DMXL1: variants seen among roughly 807,000 people sequenced by gnomAD.
DMXL1 encodes dmX-like protein 1.
Under a neutral mutation model 319.2 loss-of-function variants are expected in DMXL1, and 99 were observed. The ratio of observed to expected loss-of-function variants is 0.31; its 90% CI spans 0.26 to 0.37. The LOEUF is 0.37. Ranked by LOEUF, DMXL1 falls within the 10% of genes least tolerant of loss-of-function variation. DMXL1 has a pLI of 1.00. For missense variants in DMXL1, 3,745 were observed against 3,595.6 expected, an observed-to-expected ratio of 1.04 and a Z score of -1.06; for synonymous variants, 1,385 against 1,235.2, an observed-to-expected ratio of 1.12 and a Z score of -2.54.
Position 119,177,620 on chromosome 5 carries a change from C to T in DMXL1, c.6886+136C>T, listed in dbSNP as rs1483454918. The T allele has an allele frequency of 4.5e-6, 3 of 661,902 alleles. No individual in the cohort carries two copies. In the Admixed American group the frequency reaches 1.1e-4, roughly 24 times the overall value. The allele number at this position is 661,902 out of a possible 1,614,324, so 41.0% of individuals were successfully genotyped here. ...ATTGATACCAGTTAAGTATTCACCA[C>T]TCATTCTGAATTACAGTTACTTAAC... On this transcript the variant is annotated intron_variant, in intron 27 of 43. Coordinates refer to ENST00000539542, the MANE Select transcript of DMXL1 (RefSeq NM_001290321.3).
chr5:119,089,628 T>C (rs1298270687), intron 1 of DMXL1, among the ~76,000 whole-genome samples: 1 of 31,508 alleles, frequency 3.2e-5, no homozygotes, highest in Admixed American at 3.9e-4. Flanking sequence ...GGTACTGCCT[T>C]TTTTTTTTTT....
intron 3 of DMXL1, among the ~76,000 whole-genome samples, chr5:119,103,334 A>G (rs1414650371): frequency 1.4e-4 from 22 of 152,204 alleles, no homozygotes; most frequent in Non-Finnish European, 2.9e-5. Context: ...ACCTTTATAT[A>G]TCTTTTGATA....
intron 9 of DMXL1, among the ~76,000 whole-genome samples, chr5:119,121,510 C>G (rs962614554): frequency 6.6e-6 from 1 of 151,992 alleles, no homozygotes; most frequent in Non-Finnish European, 1.5e-5. Flanking sequence ...CTTCAGGCAT[C>G]TGTTTAACAA....
At chr5:119,112,594 T>C (rs1430006491) in intron 5 of DMXL1, among the ~76,000 whole-genome samples, 1 of 152,172 alleles carries the variant, frequency 6.6e-6, no homozygotes, top group African/African-American at 2.4e-5. Flanking sequence ...CCATGTATTT[T>C]GCACCCCTCA....
At position 119,147,448 on chromosome 5, in the gene DMXL1, A is replaced by C. The variant is rs756392840; in HGVS notation, c.2889A>C (p.Ile963=). The C allele has an allele frequency of 4.3e-6, 7 of 1,613,162 alleles. No individual in the cohort carries two copies. In the African/African-American group the frequency reaches 9.3e-5, roughly 22 times the overall value. ...QELHLPEGVE[I]ISIKPSAGHL... Reference sequence around the variant, plus strand: ...TGCATTTACCAGAAGGAGTTGAGATAATAAGTATTAAGCCATCAGCAGGTT... The same window carrying C: ...TGCATTTACCAGAAGGAGTTGAGATCATAAGTATTAAGCCATCAGCAGGTT... The change falls in exon 17 of 44, where the codon ATA becomes ATC. Residue 963 remains isoleucine, a synonymous_variant. Coordinates refer to ENST00000539542, the MANE Select transcript of DMXL1 (RefSeq NM_001290321.3).
At chr5:119,114,696 A>T (rs902211658) in intron 6 of DMXL1, among the ~76,000 whole-genome samples, 155 bp downstream of exon 6, 2 of 151,910 alleles carry the variant, frequency 1.3e-5, no homozygotes, top group African/African-American at 4.8e-5. Flanking sequence ...TGTGATGGAG[A>T]CTCACTCTGT....
chr5:119,096,262 C>T (rs1005221683), intron 1 of DMXL1, among the ~76,000 whole-genome samples: 1 of 151,560 alleles, frequency 6.6e-6, no homozygotes, highest in African/African-American at 2.4e-5. Flanking sequence ...CTGCAATCTC[C>T]ACCTCCCGGG....
intron 9 of DMXL1, 123 bp downstream of exon 9, chr5:119,121,262 CTTTTT>C (rs971636853): frequency 1.1e-5 from 7 of 646,616 alleles, no homozygotes; most frequent in Admixed American, 8.5e-5. Context: ...GCCTATTTTT[CTTTTT>C]TTTTTCTTTT....
At chr5:119,089,267 TATATATATAC>T (rs1255306893) in intron 1 of DMXL1, among the ~76,000 whole-genome samples, 4 of 92,436 alleles carry the variant, frequency 4.3e-5, no homozygotes, top group Admixed American at 4.2e-4. Flanking sequence ...TATATGCATA[TATATATATAC>T]ATATATATAT....
At chr5:119,178,667 C>T in intron 28 of DMXL1, 3 of 985,176 alleles carry the variant, frequency 3.0e-6, no homozygotes, top group African/African-American at 1.7e-5. Context: ...CATCAGTTCT[C>T]ATAGCCCTCC....
At chr5:119,101,887 T>C in intron 2 of DMXL1, 48 bp from the exon 3 acceptor site, 1 of 1,268,582 alleles carries the variant, frequency 7.9e-7, no homozygotes, top group East Asian at 2.4e-5. Context: ...TTTTGATTCA[T>C]AAGTAAGTTA....
intron 34 of DMXL1, among the ~76,000 whole-genome samples, chr5:119,215,441 G>T (rs1185069069): frequency 6.6e-6 from 1 of 152,062 alleles, no homozygotes; most frequent in Admixed American, 6.6e-5. Flanking sequence ...TCAAGTAGCT[G>T]GGATTACCGA....
At chr5:119,178,297 C>T in intron 28 of DMXL1, 53 bp downstream of exon 28, 2 of 1,538,780 alleles carry the variant, frequency 1.3e-6, no homozygotes, top group East Asian at 2.3e-5. Flanking sequence ...TGAGTGATAT[C>T]ATTCTCAAAC....
At chr5:119,079,740 A>G (rs1341730587) in intron 1 of DMXL1, among the ~76,000 whole-genome samples, 1 of 152,182 alleles carries the variant, frequency 6.6e-6, no homozygotes, top group Non-Finnish European at 1.5e-5. Context: ...ATTTGAATCA[A>G]CAGATCTCCT....
chr5:119,148,693 A>G (rs1769120350), intron 17 of DMXL1, 46 bp from the exon 18 acceptor site: 2 of 1,556,730 alleles, frequency 1.3e-6, no homozygotes, highest in Non-Finnish European at 1.7e-6. Flanking sequence ...AAACAGAAGT[A>G]TTTAACCAAA....
intron 31 of DMXL1, among the ~76,000 whole-genome samples, chr5:119,196,720 A>C (rs1218506152): frequency 6.6e-6 from 1 of 152,106 alleles, no homozygotes; most frequent in Non-Finnish European, 1.5e-5. Flanking sequence ...TACTCTAGCC[A>C]AGTGTTGAGG....
intron 19 of DMXL1, among the ~76,000 whole-genome samples, chr5:119,162,617 A>G (rs1772516132): frequency 6.6e-6 from 1 of 152,222 alleles, no homozygotes; most frequent in Non-Finnish European, 1.5e-5. Context: ...CTGCCTGTTA[A>G]TGCTGTTACA....
chr5:119,130,167 A>G (rs149031386), intron 10 of DMXL1, among the ~76,000 whole-genome samples: 1 of 152,242 alleles, frequency 6.6e-6, no homozygotes, highest in Non-Finnish European at 1.5e-5. Flanking sequence ...GGTAAGAAAA[A>G]TCAAACAGGT....
intron 5 of DMXL1, 43 bp downstream of exon 5, chr5:119,110,326 C>T: frequency 3.4e-6 from 5 of 1,464,422 alleles, no homozygotes; most frequent in Non-Finnish European, 4.5e-6. Context: ...ACCTGTTGTT[C>T]TATGTGGTTT....
Sources: allele counts gnomAD v4.1 joint callset (sites outside exome capture counted in the v4.1 genomes callset), GRCh38; gene constraint gnomAD v4.1.1; transcripts MANE v1.5; gene names NCBI Gene and HGNC (gene_info 2026-07-23, HGNC 2026-07-21).